ABCA10: variants seen among roughly 807,000 people sequenced by gnomAD.
ABCA10 encodes the protein ATP binding cassette subfamily A member 10, also known as ATP-binding cassette sub-family A member 10.
A neutral mutation model predicts 187.5 loss-of-function variants in ABCA10; 169 were observed. The observed-to-expected ratio is 0.90, with a 90% CI of 0.80 to 1.02. The LOEUF is 1.02. Among genes scored for constraint, ABCA10 ranks in the 50% least tolerant of loss-of-function variants. ABCA10 has a pLI of 0.00. For missense variants in ABCA10, 1,727 were observed against 1,812.4 expected (o/e 0.95, Z 0.86); for synonymous variants, 574 against 601.8 (o/e 0.95, Z 0.68).
upstream of ABCA10, among the ~76,000 whole-genome samples, chr17:69,230,061 T>C (rs1250143977): frequency 6.6e-6 from 1 of 152,040 alleles, no homozygotes; most frequent in East Asian, 1.9e-4. Flanking sequence ...GGCTCCACCC[T>C]CATAAATGGA....
At chr17:69,152,612 C>T in intron 34 of ABCA10, 131 bp from the exon 35 acceptor site, 1 of 1,294,274 alleles carries the variant, frequency 7.7e-7, no homozygotes, top group Non-Finnish European at 1.0e-6. Flanking sequence ...ATGGTGAAAC[C>T]CCATCTCCAC....
At chr17:69,180,616 T>A (rs1210515246) in intron 22 of ABCA10, among the ~76,000 whole-genome samples, 1 of 152,174 alleles carries the variant, frequency 6.6e-6, no homozygotes, top group Non-Finnish European at 1.5e-5. Context: ...TAGATCTCAC[T>A]CTTGAGAAAT....
chr17:69,216,195 T>C (rs1341468774), intron 7 of ABCA10, 22 bp downstream of exon 7: 1 of 1,601,474 alleles, frequency 6.2e-7, no homozygotes, highest in Non-Finnish European at 8.5e-7. Flanking sequence ...GGTTAAGAGG[T>C]AATATGCTTT....
chr17:69,166,220 C>A (rs561656449), intron 25 of ABCA10, among the ~76,000 whole-genome samples: 2 of 152,060 alleles, frequency 1.3e-5, no homozygotes, highest in East Asian at 3.9e-4. Context: ...ATGGTTCTTG[C>A]AGATCTTTCA....
At chr17:69,215,288 AATAATG>A (rs1210113903) in intron 8 of ABCA10, among the ~76,000 whole-genome samples, 1 of 152,240 alleles carries the variant, frequency 6.6e-6, no homozygotes, top group Admixed American at 6.5e-5. Flanking sequence ...CTAGAAAGAT[AATAATG>A]ATAACAGTTA....
chr17:69,203,150 G>T (rs908548583), intron 9 of ABCA10, among the ~76,000 whole-genome samples: 1 of 152,128 alleles, frequency 6.6e-6, no homozygotes, highest in East Asian at 1.9e-4. Context: ...CAAGAGAAAT[G>T]TAAATAGTAT....
chr17:69,169,544 CA>C lies in ABCA10; in HGVS notation c.3163-4462del, dbSNP rs538532694. Among the ~76,000 whole-genome samples the C allele has an allele frequency of 9.1e-3, 1,388 of 152,190 alleles. 10 individuals are homozygous for C. The highest frequency in any genetic ancestry group is 0.015 in the Non-Finnish European group (1,044 of 67,984). On this transcript the variant is annotated intron_variant, in intron 25 of 38. Transcript: ENST00000690296. Reference sequence around the variant, plus strand: ...AAAAGTGCACGCAAATGCAAAGAATCAAAAACAGCCAAGATACTTAAAAAAG... The same window carrying C: ...AAAAGTGCACGCAAATGCAAAGAATCAAAACAGCCAAGATACTTAAAAAAG...
intron 4 of ABCA10, 64 bp from the exon 5 acceptor site, chr17:69,221,959 T>C: frequency 1.6e-6 from 2 of 1,274,566 alleles, no homozygotes; most frequent in South Asian, 2.8e-5. Context: ...GAATTAAAAC[T>C]TTAACTTTGG....
At position 69,149,102 on chromosome 17, in the gene ABCA10, G is replaced by C. The variant is rs1410602256; in HGVS notation, c.4478-14C>G. 6.2e-7 allele frequency: 1 copy of C among 1,613,510 alleles called. No homozygotes were observed. The highest frequency in any genetic ancestry group is 1.3e-5 in the African/African-American group (1 of 74,898). On this transcript the variant is annotated splice_polypyrimidine_tract_variant and intron_variant, in intron 37 of 38. Transcript: ENST00000690296. ...AGGTCTGTTTCACTGCATGTAAAGAGACTGACATTAGTGGCTTATATATTT... is the reference window on the plus strand; with the variant it reads ...AGGTCTGTTTCACTGCATGTAAAGACACTGACATTAGTGGCTTATATATTT...
At position 69,214,818 on chromosome 17, in the gene ABCA10, T is replaced by C; in HGVS notation, c.892A>G (p.Ile298Val). ...THLDNYLSGV[I>V]FPDPSGDSYK... Reference sequence around the variant, plus strand: ...GAATCCCCAGAGGGATCAGGAAAAATAACACCACTTAAGTAATTATCCAGG... The same window carrying C: ...GAATCCCCAGAGGGATCAGGAAAAACAACACCACTTAAGTAATTATCCAGG... Residue 298 changes from isoleucine to valine, a missense_variant, in exon 9 of 39, where the codon ATT becomes GTT. Physicochemically the swap from Ile to Val is conservative, Grantham distance 29. Transcript: ENST00000690296. 1 of 1,504,286 alleles carries C rather than the reference T, an allele frequency of 6.6e-7. No individual in the cohort carries two copies. The highest frequency in any genetic ancestry group is 2.6e-5 in the East Asian group (1 of 37,782). The allele number at this position is 1,504,286 out of a possible 1,614,324, so 93.2% of individuals were successfully genotyped here. A position where few individuals can be genotyped will look rare whatever the true frequency, so the allele number is the denominator to read the frequency against.
intron 25 of ABCA10, among the ~76,000 whole-genome samples, chr17:69,171,300 T>C (rs987575049): frequency 6.6e-6 from 1 of 152,146 alleles, no homozygotes; most frequent in East Asian, 1.9e-4. Context: ...GAGAAATAAC[T>C]AAGCATATTT....
At chr17:69,225,116 AAAAC>A (rs145436046) in intron 3 of ABCA10, among the ~76,000 whole-genome samples, 57,560 of 151,440 alleles carry the variant, frequency 0.38, 12,072 homozygotes, top group Middle Eastern at 0.51. Flanking sequence ...CATATCATTA[AAAAC>A]AAACAAACAA....
chr17:69,201,717 A>AT (rs2074547175), intron 9 of ABCA10, 49 bp from the exon 10 acceptor site: 1 of 1,385,062 alleles, frequency 7.2e-7, no homozygotes, highest in Non-Finnish European at 9.7e-7. Context: ...TACCACACCA[A>AT]TAAAAAGGGA....
At chr17:69,156,230 T>C (rs2074173575) in intron 28 of ABCA10, among the ~76,000 whole-genome samples, 1 of 152,214 alleles carries the variant, frequency 6.6e-6, no homozygotes, top group African/African-American at 2.4e-5. Flanking sequence ...ATCCAGATCA[T>C]GACCACATTC....
At position 69,190,508 on chromosome 17, in the gene ABCA10, A is replaced by G. The variant is rs202152180; in HGVS notation, c.2012-31T>C. The stretch of plus-strand genomic sequence containing the variant: ...AAGCCAATAGTAATAAGTCAACGCA[A>G]TTAAAATTATCAATGAGTATATTAA... On this transcript the variant is annotated intron_variant, in intron 17 of 38. Coordinates refer to ENST00000690296, the MANE Select transcript of ABCA10 (RefSeq NM_001377321.1). 5.0e-4 allele frequency: 759 copies of G among 1,529,736 alleles called. 4 individuals are homozygous for G. The African/African-American group carries it at 0.01, about 20-fold the overall frequency. The allele number at this position is 1,529,736 out of a possible 1,614,324, so 94.8% of individuals were successfully genotyped here. A position where few individuals can be genotyped will look rare whatever the true frequency, so the allele number is the denominator to read the frequency against.
chr17:69,157,226 G>A (rs903661427), intron 27 of ABCA10, among the ~76,000 whole-genome samples: 1 of 152,040 alleles, frequency 6.6e-6, no homozygotes, highest in Non-Finnish European at 1.5e-5. Flanking sequence ...AATGAATACA[G>A]GAGATAGGTT....
At chr17:69,211,320 T>TATATATATATATATATG (rs2144831882) in intron 9 of ABCA10, among the ~76,000 whole-genome samples, 1 of 6,142 alleles carries the variant, frequency 1.6e-4, no homozygotes, top group East Asian at 1.3e-3. Context: ...ATATGATATA[T>TATATATATATATATATG]ATATATATAT....
At chr17:69,203,742 A>G (rs1437735098) in intron 9 of ABCA10, among the ~76,000 whole-genome samples, 1 of 152,196 alleles carries the variant, frequency 6.6e-6, no homozygotes, top group Non-Finnish European at 1.5e-5. Context: ...CAGTCGTTCT[A>G]ATGCTTTTGG....
intron 22 of ABCA10, among the ~76,000 whole-genome samples, chr17:69,179,956 A>G (rs1333524605): frequency 2.0e-5 from 3 of 152,212 alleles, no homozygotes; most frequent in Non-Finnish European, 4.4e-5. Context: ...AAATCATATT[A>G]CTTAAAAGTT....
Sources: allele counts gnomAD v4.1 joint callset (sites outside exome capture counted in the v4.1 genomes callset), GRCh38; gene constraint gnomAD v4.1.1; transcripts MANE v1.5; gene names NCBI Gene and HGNC (gene_info 2026-07-23, HGNC 2026-07-21).